Variants in PDGFD observed in about 807,000 individuals in gnomAD.
PDGFD encodes the protein platelet derived growth factor D, also known as platelet-derived growth factor D.
A neutral mutation model predicts 44.7 loss-of-function variants in PDGFD; 30 were observed. That is an observed-to-expected ratio of 0.67 (90% CI 0.50 to 0.91). The LOEUF (loss-of-function observed/expected upper bound fraction) is 0.91. Ranked by LOEUF, PDGFD falls within the 40% of genes least tolerant of loss-of-function variation. PDGFD has a pLI of 0.00. For missense variants in PDGFD, 445 were observed against 457.8 expected (o/e 0.97, Z 0.25); for synonymous variants, 173 against 168.4 (o/e 1.03, Z -0.21).
At chr11:103,937,156 G>A (rs1395713655) in intron 5 of PDGFD, among the ~76,000 whole-genome samples, 1 of 152,036 alleles carries the variant, frequency 6.6e-6, no homozygotes, top group Non-Finnish European at 1.5e-5. Flanking sequence ...GAGTGGATTT[G>A]AATTTTAGCA....
At chr11:103,920,557 T>C (rs1017952218) in intron 6 of PDGFD, among the ~76,000 whole-genome samples, 1 of 152,154 alleles carries the variant, frequency 6.6e-6, no homozygotes, top group African/African-American at 2.4e-5. Flanking sequence ...TGAAGCTAGA[T>C]TGAGAAGGGA....
At chr11:103,996,279 A>G in intron 2 of PDGFD, 34 bp from the exon 3 acceptor site, 1 of 1,537,138 alleles carries the variant, frequency 6.5e-7, no homozygotes, top group Non-Finnish European at 8.9e-7. Flanking sequence ...ACAAGTTTTG[A>G]TTAAAGTAGA....
At chr11:104,131,421 G>A (rs1861917904) in intron 1 of PDGFD, among the ~76,000 whole-genome samples, 1 of 152,076 alleles carries the variant, frequency 6.6e-6, no homozygotes, top group Non-Finnish European at 1.5e-5. Context: ...TTTCTAAAAT[G>A]TGAAAAACAA....
chr11:103,969,136 C>G (rs117483362), intron 3 of PDGFD, among the ~76,000 whole-genome samples: 117 of 152,244 alleles, frequency 7.7e-4, no homozygotes, highest in African/African-American at 2.7e-3. Context: ...TTCATGCTTA[C>G]GCAGCTGCCA....
intron 6 of PDGFD, among the ~76,000 whole-genome samples, chr11:103,926,375 A>G (rs1841608429): frequency 6.6e-6 from 1 of 152,194 alleles, no homozygotes; most frequent in African/African-American, 2.4e-5. Context: ...TGCATAATCC[A>G]AGAGCTGATT....
At chr11:104,004,682 A>T (rs970417885) in intron 1 of PDGFD, among the ~76,000 whole-genome samples, 1 of 152,148 alleles carries the variant, frequency 6.6e-6, no homozygotes, top group Non-Finnish European at 1.5e-5. Context: ...CTGCCAAAAA[A>T]TACACCTGAA....
At chr11:103,988,600 G>T (rs902847206) in intron 3 of PDGFD, among the ~76,000 whole-genome samples, 1 of 152,146 alleles carries the variant, frequency 6.6e-6, no homozygotes, top group Non-Finnish European at 1.5e-5. Context: ...AGGATGTTAT[G>T]GATGAGATTC....
intron 2 of PDGFD, among the ~76,000 whole-genome samples, chr11:103,997,768 A>G (rs1254783952): frequency 1.3e-5 from 2 of 152,166 alleles, no homozygotes; most frequent in Non-Finnish European, 2.9e-5. Context: ...TTTTAATAAC[A>G]CCATAGGTCA....
intron 1 of PDGFD, among the ~76,000 whole-genome samples, chr11:104,145,644 T>C (rs1359102370): frequency 6.6e-6 from 1 of 152,218 alleles, no homozygotes; most frequent in Non-Finnish European, 1.5e-5. Context: ...TTAGGCCTTT[T>C]AGACTTATTT....
At chr11:104,084,362 G>C (rs930657155) in intron 1 of PDGFD, among the ~76,000 whole-genome samples, 1 of 152,148 alleles carries the variant, frequency 6.6e-6, no homozygotes, top group African/African-American at 2.4e-5. Context: ...GAGATGACAT[G>C]ATGGGACAGA....
intron 5 of PDGFD, among the ~76,000 whole-genome samples, chr11:103,937,555 AT>A (rs1490389707): frequency 2.6e-5 from 4 of 151,878 alleles, no homozygotes; most frequent in Admixed American, 6.6e-5. Context: ...TGTTTTTTTA[AT>A]TTTATGATTA....
chr11:103,960,171 CCAAATA>C (rs1453635032), intron 3 of PDGFD, among the ~76,000 whole-genome samples: 3 of 152,110 alleles, frequency 2.0e-5, no homozygotes, highest in African/African-American at 7.2e-5. Flanking sequence ...TTCATCCAAA[CCAAATA>C]CAATTACAAA....
chr11:104,006,745 G>T (rs1335638745), intron 1 of PDGFD, among the ~76,000 whole-genome samples: 1 of 152,176 alleles, frequency 6.6e-6, no homozygotes. Context: ...CGGCTAGAGA[G>T]GAGACCTGCT....
chr11:103,944,610 A>G (rs1858642163), intron 4 of PDGFD, among the ~76,000 whole-genome samples: 1 of 152,232 alleles, frequency 6.6e-6, no homozygotes, highest in Non-Finnish European at 1.5e-5. Context: ...AATAGGAATT[A>G]ATGAAAACTT....
At chr11:104,040,836 G>T (rs915791427) in intron 1 of PDGFD, among the ~76,000 whole-genome samples, 29 of 151,632 alleles carry the variant, frequency 1.9e-4, no homozygotes, top group African/African-American at 6.5e-4. Context: ...GAAACAAAAA[G>T]GATTCTTGAA....
At chr11:104,067,848 C>A (rs1446658086) in intron 1 of PDGFD, among the ~76,000 whole-genome samples, 1 of 151,966 alleles carries the variant, frequency 6.6e-6, no homozygotes, top group Non-Finnish European at 1.5e-5. Flanking sequence ...GTATTTGTAG[C>A]AATGGCAGAT....
chr11:103,954,618 A>C (rs542123485), intron 3 of PDGFD, among the ~76,000 whole-genome samples: 266 of 152,274 alleles, frequency 1.7e-3, no homozygotes, highest in Middle Eastern at 0.01. Context: ...AGGATGACTT[A>C]TTTGGGGAAA....
rs558394264 is a variant in PDGFD, at chr11:104,112,419, TG to T, written c.124+51384del. Among the ~76,000 whole-genome samples the T allele has an allele frequency of 2.0e-5, 3 of 152,212 alleles. No individual in the cohort carries two copies. In the South Asian group the frequency reaches 6.2e-4, roughly 32 times the overall value. ...GAGTTTAAAAGAAATGCTTATTCAC[TG>T]TTGGTGGGAGTGTAAATTAGTTCAA... On this transcript the variant is annotated intron_variant, in intron 1 of 6. Transcript: ENST00000393158.
intron 1 of PDGFD, among the ~76,000 whole-genome samples, chr11:104,110,585 T>G (rs1861539892): frequency 1.3e-5 from 2 of 151,626 alleles, no homozygotes; most frequent in African/African-American, 4.8e-5. Flanking sequence ...GACAAGAAAC[T>G]TAGGAATGCT....
Sources: gnomAD v4.1 joint callset for allele counts (sites outside exome capture counted in the v4.1 genomes callset) on GRCh38, gnomAD v4.1.1 for gene constraint, MANE v1.5 for transcripts, NCBI Gene and HGNC (gene_info 2026-07-23, HGNC 2026-07-21) for gene names.